Variants in CACNA2D3 observed in about 807,000 individuals in gnomAD.
CACNA2D3 encodes calcium voltage-gated channel auxiliary subunit alpha2delta 3.
In CACNA2D3, 60 loss-of-function variants were observed where a neutral mutation model predicts 160.6. The ratio of observed to expected loss-of-function variants is 0.37; its 90% CI spans 0.30 to 0.46. The LOEUF is 0.46. Ranked by LOEUF, CACNA2D3 falls within the 20% of genes least tolerant of loss-of-function variation. CACNA2D3 has a pLI of 1.00. For missense variants in CACNA2D3, 1,205 were observed against 1,365.0 expected (o/e 0.88, Z 1.85); for synonymous variants, 558 against 492.9 (o/e 1.13, Z -1.75).
intron 4 of CACNA2D3, among the ~76,000 whole-genome samples, chr3:54,490,299 G>A (rs1314529699): frequency 1.4e-5 from 2 of 146,834 alleles, no homozygotes; most frequent in East Asian, 2.1e-4. Context: ...GAAACAGTCC[G>A]AGACTCAGCA....
chr3:54,865,461 G>A (rs995890179), intron 17 of CACNA2D3, among the ~76,000 whole-genome samples: 6 of 152,192 alleles, frequency 3.9e-5, no homozygotes, highest in African/African-American at 1.2e-4. Flanking sequence ...GGCTGACAGA[G>A]GCCACTGGGG....
intron 11 of CACNA2D3, among the ~76,000 whole-genome samples, chr3:54,670,623 TTA>T (rs1219124700): frequency 2.0e-5 from 3 of 152,106 alleles, no homozygotes. Flanking sequence ...ATGAAGCCAT[TTA>T]TGAGCCTTTA....
intron 11 of CACNA2D3, among the ~76,000 whole-genome samples, chr3:54,740,411 C>G (rs1028497315): frequency 2.0e-5 from 3 of 152,126 alleles, no homozygotes; most frequent in Non-Finnish European, 2.9e-5. Flanking sequence ...TCACTGAAGT[C>G]CTACCGGCAG....
At chr3:54,491,868 G>A (rs960801241) in intron 4 of CACNA2D3, among the ~76,000 whole-genome samples, 18 of 152,310 alleles carry the variant, frequency 1.2e-4, no homozygotes, top group African/African-American at 3.8e-4. Flanking sequence ...TTTGAAGGAC[G>A]TAGGTGGTGG....
intron 4 of CACNA2D3, among the ~76,000 whole-genome samples, chr3:54,475,861 A>C (rs555277994): frequency 5.2e-4 from 35 of 67,102 alleles, no homozygotes; most frequent in African/African-American, 1.7e-3. Context: ...AAAACACTGA[A>C]GATCTACTCT....
chr3:54,232,943 T>G (rs1316733128), intron 2 of CACNA2D3, among the ~76,000 whole-genome samples: 5 of 152,210 alleles, frequency 3.3e-5, no homozygotes, highest in Non-Finnish European at 7.3e-5. Flanking sequence ...TTAACCCATC[T>G]CTACTCCCAA....
At chr3:54,333,497 A>G (rs73841976) in intron 3 of CACNA2D3, among the ~76,000 whole-genome samples, 4,008 of 151,926 alleles carry the variant, frequency 0.026, 177 homozygotes, top group African/African-American at 0.091. Flanking sequence ...TTGCCTTCTC[A>G]GTGATCAGAG....
At chr3:54,790,539 A>T (rs1388527516) in intron 13 of CACNA2D3, among the ~76,000 whole-genome samples, 1 of 152,210 alleles carries the variant, frequency 6.6e-6, no homozygotes, top group Admixed American at 6.5e-5. Context: ...CACAAACTTT[A>T]AAAACAGCTA....
chr3:54,402,625 C>G lies in CACNA2D3; in HGVS notation c.381+15851C>G, dbSNP rs568137078. Among the ~76,000 whole-genome samples, 3 of 152,130 alleles carry G rather than the reference C, an allele frequency of 2.0e-5. No individual in the cohort carries two copies. In the East Asian group the frequency reaches 5.8e-4, roughly 29 times the overall value. On this transcript the variant is annotated intron_variant, in intron 4 of 37. Transcript: ENST00000474759. ...ATATATGCACCCAATCTGAGAGCACCTAAGACAAATATTAATTGACATTAA... is the reference window on the plus strand; with the variant it reads ...ATATATGCACCCAATCTGAGAGCACGTAAGACAAATATTAATTGACATTAA...
chr3:54,736,065 ATATATATACATATATATGTATGTG>A (rs1701507904), intron 11 of CACNA2D3, among the ~76,000 whole-genome samples: 3 of 27,120 alleles, frequency 1.1e-4, no homozygotes, highest in African/African-American at 1.8e-4. Context: ...ATGTATGTAT[ATATATATACATATATATGTATGTG>A]TATATATATA....
chr3:54,758,321 G>T (rs1161192969), intron 12 of CACNA2D3, among the ~76,000 whole-genome samples: 1 of 152,008 alleles, frequency 6.6e-6, no homozygotes, highest in African/African-American at 2.4e-5. Flanking sequence ...TGTAGTCATA[G>T]TCACAAAGGA....
At chr3:54,885,694 A>C (rs146889535) in intron 23 of CACNA2D3, 108 bp downstream of exon 23, 34 of 733,334 alleles carry the variant, frequency 4.6e-5, no homozygotes, top group Non-Finnish European at 7.5e-5. Flanking sequence ...TTTGGCAGAG[A>C]TTATCAGTCA....
Position 54,569,782 on chromosome 3 carries a change from A to G in CACNA2D3, c.677-13A>G. 1.3e-6 allele frequency: 2 copies of G among 1,581,450 alleles called. No individual in the cohort carries two copies. Among genetic ancestry groups the G allele is most frequent in the Admixed American group, 1.8e-5 (1 of 55,110 alleles). On this transcript the variant is annotated splice_polypyrimidine_tract_variant and intron_variant, in intron 6 of 37. Transcript: ENST00000474759. ...AAGTTTCTGGGTTTCTCATAACCCCATTTTTCTTCTAGGGATTAAATGGGA... is the reference window on the plus strand; with the variant it reads ...AAGTTTCTGGGTTTCTCATAACCCCGTTTTTCTTCTAGGGATTAAATGGGA...
intron 4 of CACNA2D3, among the ~76,000 whole-genome samples, chr3:54,390,880 C>A (rs1295927346): frequency 6.6e-6 from 1 of 152,080 alleles, no homozygotes; most frequent in Non-Finnish European, 1.5e-5. Context: ...CAACCCCTGG[C>A]AGATAATTGT....
At chr3:54,872,738 A>G (rs1212398623) in intron 18 of CACNA2D3, among the ~76,000 whole-genome samples, 8 of 152,156 alleles carry the variant, frequency 5.3e-5, no homozygotes, top group Non-Finnish European at 7.3e-5. Context: ...TTTCTTCTTC[A>G]TCTGCTCTAA....
At chr3:54,240,502 A>G (rs944673621) in intron 2 of CACNA2D3, among the ~76,000 whole-genome samples, 1 of 152,204 alleles carries the variant, frequency 6.6e-6, no homozygotes, top group Admixed American at 6.5e-5. Context: ...ACCTACTCGG[A>G]ATGCTAATTA....
At chr3:54,400,811 C>A (rs1012762461) in intron 4 of CACNA2D3, among the ~76,000 whole-genome samples, 1 of 152,090 alleles carries the variant, frequency 6.6e-6, no homozygotes, top group Non-Finnish European at 1.5e-5. Flanking sequence ...GATGTGCAGA[C>A]ATCAATGCAA....
chr3:54,304,399 A>G (rs893053364), intron 2 of CACNA2D3, among the ~76,000 whole-genome samples: 4 of 152,126 alleles, frequency 2.6e-5, no homozygotes, highest in Non-Finnish European at 5.9e-5. Flanking sequence ...AGGATGAGCT[A>G]TTTTGTTCTT....
At chr3:54,290,408 A>C (rs1042203490) in intron 2 of CACNA2D3, among the ~76,000 whole-genome samples, 2 of 152,192 alleles carry the variant, frequency 1.3e-5, no homozygotes, top group Admixed American at 6.6e-5. Flanking sequence ...GTCAGGAAAC[A>C]ACAGGTGCTG....
Sources: allele counts gnomAD v4.1 joint callset (sites outside exome capture counted in the v4.1 genomes callset), GRCh38; gene constraint gnomAD v4.1.1; transcripts MANE v1.5; gene names NCBI Gene and HGNC (gene_info 2026-07-23, HGNC 2026-07-21).